Variants in PRDM10 observed in about 807,000 individuals in gnomAD.
PRDM10 encodes the protein PR domain zinc finger protein 10.
A neutral mutation model predicts 133.1 loss-of-function variants in PRDM10; 65 were observed. The ratio of observed to expected loss-of-function variants is 0.49; its 90% CI spans 0.40 to 0.60. PRDM10 has a LOEUF of 0.60. Among genes scored for constraint, PRDM10 ranks in the 20% least tolerant of loss-of-function variants. PRDM10 has a pLI of 0.00. For synonymous variants in PRDM10, 582 were observed against 580.4 expected (o/e 1.00, Z -0.04); for missense variants, 1,137 against 1,507.1 (o/e 0.75, Z 4.07).
intron 11 of PRDM10, among the ~76,000 whole-genome samples, chr11:129,927,067 G>A (rs777855131): frequency 5.9e-5 from 9 of 151,706 alleles, no homozygotes; most frequent in East Asian, 5.8e-4. Context: ...TTAGCCAGGC[G>A]TGGTAGCAGG....
At chr11:129,984,715 A>G (rs1012297444) in intron 1 of PRDM10, among the ~76,000 whole-genome samples, 2 of 151,706 alleles carry the variant, frequency 1.3e-5, no homozygotes, top group Admixed American at 1.3e-4. Flanking sequence ...CCCTGGCAAC[A>G]CCTCTGCAAC....
intron 8 of PRDM10, among the ~76,000 whole-genome samples, chr11:129,936,608 A>G (rs973608237): frequency 5.9e-5 from 9 of 152,046 alleles, no homozygotes; most frequent in African/African-American, 1.9e-4. Flanking sequence ...AGCCGAGATC[A>G]CGCCACTGCA....
intron 1 of PRDM10, among the ~76,000 whole-genome samples, chr11:129,981,802 A>G (rs1197292390): frequency 6.6e-6 from 1 of 152,026 alleles, no homozygotes; most frequent in Non-Finnish European, 1.5e-5. Flanking sequence ...AGGCTGAGCC[A>G]AGAGAATTGC....
rs200526171 is a variant in PRDM10 at position 129,918,702 on chromosome 11, C to T, written c.2051G>A (p.Arg684Gln). The T allele has an allele frequency of 2.6e-5, 42 of 1,610,150 alleles. No homozygotes were observed. The highest frequency in any genetic ancestry group is 3.4e-5 in the Non-Finnish European group (40 of 1,178,142). ...GKQFKRKDKL[R>Q]EHMQRMHNPE... The stretch of plus-strand genomic sequence containing the variant: ...ATTATGCATCCTCTGCATGTGTTCC[C>T]GTAGTTTGTCTTTTCGCTATTTGGA... The change falls in exon 14 of 21, where the codon CGG (arginine) becomes CAG (glutamine). Residue 684 changes from arginine (R) to glutamine (Q), a missense_variant. By Grantham distance (43) the Arg-to-Gln change is conservative. Coordinates refer to ENST00000360871, the MANE Select transcript of PRDM10 (RefSeq NM_199437.2). This position sits in a 1 kb window ranked among gnomAD's most constrained non-coding sequence, Gnocchi z 5.3.
At chr11:129,972,131 G>A (rs1952044166) in intron 1 of PRDM10, among the ~76,000 whole-genome samples, 1 of 152,232 alleles carries the variant, frequency 6.6e-6, no homozygotes, top group Non-Finnish European at 1.5e-5. Context: ...GGCCCGCCAA[G>A]CCCACGCCCA....
intron 1 of PRDM10, among the ~76,000 whole-genome samples, chr11:129,973,384 G>A (rs1279416913): frequency 1.3e-5 from 2 of 152,222 alleles, no homozygotes; most frequent in African/African-American, 4.8e-5. Context: ...AATGAGGTAA[G>A]AGGCACCAAG....
chr11:129,920,184 T>C (rs184757435), intron 13 of PRDM10, among the ~76,000 whole-genome samples: 8 of 152,108 alleles, frequency 5.3e-5, no homozygotes, highest in Non-Finnish European at 1.2e-4. Flanking sequence ...AACCGAATCA[T>C]CACATAAATT....
chr11:129,998,390 G>GGGA (rs1431945630), intron 1 of PRDM10, among the ~76,000 whole-genome samples: 4 of 152,044 alleles, frequency 2.6e-5, no homozygotes, highest in African/African-American at 9.7e-5. Flanking sequence ...AAAAAAGGGG[G>GGGA]GGAGGAGGAG....
intron 17 of PRDM10, 79 bp downstream of exon 17, chr11:129,914,625 C>T (rs1285893387): frequency 1.9e-6 from 3 of 1,573,460 alleles, no homozygotes; most frequent in African/African-American, 1.4e-5. Flanking sequence ...TTACATAGAT[C>T]CCAGCCCCAG....
intron 1 of PRDM10, among the ~76,000 whole-genome samples, chr11:129,968,169 A>G (rs1240069267): frequency 6.6e-6 from 1 of 152,238 alleles, no homozygotes; most frequent in Non-Finnish European, 1.5e-5. Flanking sequence ...CTGTTGGTAC[A>G]TTATTAACCT....
intron 1 of PRDM10, among the ~76,000 whole-genome samples, chr11:129,988,155 A>C (rs547807159): frequency 6.6e-6 from 1 of 152,324 alleles, no homozygotes; most frequent in South Asian, 2.1e-4. Flanking sequence ...AATTTGCAGA[A>C]TAAGCAAATT....
chr11:129,988,155 A>G (rs547807159), intron 1 of PRDM10, among the ~76,000 whole-genome samples: 1 of 152,206 alleles, frequency 6.6e-6, no homozygotes, highest in Non-Finnish European at 1.5e-5. Flanking sequence ...AATTTGCAGA[A>G]TAAGCAAATT....
rs114491644 is a variant in PRDM10 at position 129,999,754 on chromosome 11, G to T, written c.-119+2968C>A. ...TCCAGAAGCCTATCCCTATCAATTA[G>T]ATTACGCTTTTAAAAAGTTACAAGA... On this transcript the variant is annotated intron_variant, in intron 1 of 20. Transcript: ENST00000360871. Among the ~76,000 whole-genome samples the T allele has an allele frequency of 4.8e-3, 731 of 152,236 alleles. 4 individuals are homozygous for T. The highest frequency in any genetic ancestry group is 0.016 in the African/African-American group (658 of 41,522).
At chr11:129,946,404 C>G (rs1436473869) in intron 5 of PRDM10, among the ~76,000 whole-genome samples, 1 of 152,202 alleles carries the variant, frequency 6.6e-6, no homozygotes, top group Non-Finnish European at 1.5e-5. Context: ...ACCACCACCA[C>G]ACAGAAGGAC....
chr11:129,922,320 C>T (rs1052111593), intron 13 of PRDM10, among the ~76,000 whole-genome samples: 3 of 152,060 alleles, frequency 2.0e-5, no homozygotes, highest in African/African-American at 7.2e-5. Context: ...AACAGTATCG[C>T]AAAACAGGAA....
chr11:129,916,999 C>T, intron 15 of PRDM10, 128 bp downstream of exon 15: 1 of 601,656 alleles, frequency 1.7e-6, no homozygotes, highest in Non-Finnish European at 2.8e-6. Flanking sequence ...TGAATGGAGA[C>T]TACTGAGAGA....
intron 1 of PRDM10, among the ~76,000 whole-genome samples, chr11:129,999,595 G>A (rs1362519013): frequency 6.6e-6 from 1 of 152,094 alleles, no homozygotes; most frequent in African/African-American, 2.4e-5. Context: ...GCAACAACAG[G>A]ATGTTTAACA....
At chr11:129,920,197 A>G (rs1208738448) in intron 13 of PRDM10, among the ~76,000 whole-genome samples, 1 of 152,176 alleles carries the variant, frequency 6.6e-6, no homozygotes, top group African/African-American at 2.4e-5. Context: ...CATAAATTTC[A>G]AAGCCTAACA....
intron 15 of PRDM10, 92 bp from the exon 16 acceptor site, chr11:129,915,952 A>G: frequency 7.9e-7 from 1 of 1,269,798 alleles, no homozygotes; most frequent in East Asian, 2.4e-5. Context: ...GAAAATGAGG[A>G]AAAGTATTCA....
Sources: gnomAD v4.1 joint callset for allele counts (sites outside exome capture counted in the v4.1 genomes callset) on GRCh38, gnomAD v4.1.1 for gene constraint, Gnocchi (gnomAD v3.1) non-coding constraint, MANE v1.5 for transcripts, NCBI Gene and HGNC (gene_info 2026-07-23, HGNC 2026-07-21) for gene names.